FAM76A: variants seen among roughly 807,000 people sequenced by gnomAD.
The protein encoded by FAM76A is protein FAM76A.
A neutral mutation model predicts 46.2 loss-of-function variants in FAM76A; 32 were observed. The ratio of observed to expected loss-of-function variants is 0.69; its 90% CI spans 0.52 to 0.93. The LOEUF is 0.93. FAM76A is among the 40% of genes least tolerant of loss of function. The pLI is 0.00. For missense variants in FAM76A, 274 were observed against 361.5 expected, an observed-to-expected ratio of 0.76 and a Z score of 1.96; for synonymous variants, 137 against 127.0, an observed-to-expected ratio of 1.08 and a Z score of -0.53.
Position 27,744,661 on chromosome 1 carries a change from G to A in FAM76A, c.362G>A (p.Gly121Glu), listed in dbSNP as rs572625727. The change falls in exon 5 of 9, where the codon GGG (glycine) becomes GAG (glutamate). Residue 121 changes from glycine to glutamate, a missense_variant. Transcript: ENST00000373954. ...TGTCTCCTTGTCTTTCAGGTAGATG[G>A]GAAATTGCTGTGCTGGCTGTGCACA... is the stretch of plus-strand genomic sequence containing the variant. Reference protein sequence around the residue: ...DRKDDRKKVDGKLLCWLCTLS... With the variant: ...DRKDDRKKVDEKLLCWLCTLS... 83 of 1,613,870 alleles carry A rather than the reference G, an allele frequency of 5.1e-5. 1 individual carries two copies. In the South Asian group the frequency reaches 8.6e-4, roughly 17 times the overall value.
intron 5 of FAM76A, among the ~76,000 whole-genome samples, chr1:27,746,780 ATGCAGATT>A (rs1187666253): frequency 6.6e-6 from 1 of 152,138 alleles, no homozygotes; most frequent in Non-Finnish European, 1.5e-5. Context: ...TTATTTGAAA[ATGCAGATT>A]CCGGCCAGAT....
rs1409498047 is a variant in FAM76A at position 27,732,634 on chromosome 1, C to T, written c.178C>T (p.Gln60Ter). 2 of 1,609,272 alleles carry T rather than the reference C, an allele frequency of 1.2e-6. No individual in the cohort carries two copies. The highest frequency in any genetic ancestry group is 1.7e-6 in the Non-Finnish European group (2 of 1,176,446). The change falls in exon 3 of 9, where the codon CAG (glutamine) becomes TAG (stop). Residue 60 changes from glutamine (Q) to a stop codon, truncating the protein, a stop_gained. Transcript: ENST00000373954. LOFTEE classifies it high-confidence loss of function. The stretch of plus-strand genomic sequence containing the variant: ...CAATACAATATGCAAGAAATGTGCT[C>T]AGAACGTGCAGTTGTATGGAACGGT... ...KTNTICKKCA[Q>*]NVQLYGTPKP...
At chr1:27,741,697 G>A (rs1021205003) in intron 4 of FAM76A, among the ~76,000 whole-genome samples, 16 of 151,702 alleles carry the variant, frequency 1.1e-4, no homozygotes, top group Non-Finnish European at 1.8e-4. Context: ...CCTGGCCAAC[G>A]TGGTGAAACC....
chr1:27,733,564 A>G (rs1238941190), intron 3 of FAM76A, among the ~76,000 whole-genome samples: 2 of 152,046 alleles, frequency 1.3e-5, no homozygotes, highest in East Asian at 1.9e-4. Context: ...ATTGGGCTTC[A>G]TGGCCGGGCG....
chr1:27,748,964 G>C (rs1465717423), intron 5 of FAM76A, 104 bp from the exon 6 acceptor site: 1 of 665,810 alleles, frequency 1.5e-6, no homozygotes, highest in East Asian at 3.0e-5. Context: ...CTCTTGCATA[G>C]AAGAGCTGCT....
At chr1:27,743,767 G>GAAA (rs76187664) in intron 4 of FAM76A, among the ~76,000 whole-genome samples, 1 of 140,178 alleles carries the variant, frequency 7.1e-6, no homozygotes, top group Non-Finnish European at 1.6e-5. Context: ...CCTGTTTGGG[G>GAAA]AAAAAAAAAA....
In FAM76A at chr1:27,759,779, G is replaced by GTTTTTGTTTGTTT. The variant is rs2088474172; in HGVS notation, c.837+157_837+158insGTTTGTTTTTTTT. On this transcript the variant is annotated intron_variant, in intron 8 of 8. Coordinates refer to ENST00000373954, the MANE Select transcript of FAM76A (RefSeq NM_152660.3). ...TCCCCCTTTTAGGTTTTTTTTTTTT[G>GTTTTTGTTTGTTT]TTTTTTTTTTGAGACAGGTTCTCTG... 195 of 363,562 alleles carry GTTTTTGTTTGTTT rather than the reference G, an allele frequency of 5.4e-4. 1 individual carries two copies. The highest frequency in any genetic ancestry group is 3.0e-3 in the Middle Eastern group (4 of 1,332). The allele number at this position is 363,562 out of a possible 1,614,324, so 22.5% of individuals were successfully genotyped here. A position where few individuals can be genotyped will look rare whatever the true frequency, so the allele number is the denominator to read the frequency against.
At chr1:27,726,977 C>T (rs1274464484) in intron 1 of FAM76A, among the ~76,000 whole-genome samples, 1 of 152,170 alleles carries the variant, frequency 6.6e-6, no homozygotes, top group African/African-American at 2.4e-5. Context: ...TCATAATTGT[C>T]ACTTTTGCCT....
At chr1:27,757,746 G>T (rs1011955913) in intron 7 of FAM76A, among the ~76,000 whole-genome samples, 5 of 152,092 alleles carry the variant, frequency 3.3e-5, no homozygotes, top group African/African-American at 1.2e-4. Context: ...GGAGGCCAAG[G>T]CGGGTGGATC....
At position 27,727,547 on chromosome 1, in the gene FAM76A, GT is replaced by G; in HGVS notation, c.146+13del. On this transcript the variant is annotated intron_variant, in intron 2 of 8. Transcript: ENST00000373954. ...GTACCAGCAGGAGAGGTAGAGTTTT[GT>G]TGACCATGAAAGATATTAATAGGCT... 1.2e-6 allele frequency: 2 copies of G among 1,610,424 alleles called. No individual in the cohort carries two copies.
intron 4 of FAM76A, chr1:27,739,363 A>G: frequency 3.8e-6 from 2 of 525,216 alleles, no homozygotes; most frequent in Admixed American, 2.0e-5. Context: ...CTACTTAAAT[A>G]TGGAACACCT....
At chr1:27,748,568 G>GC (rs11451837) in intron 5 of FAM76A, among the ~76,000 whole-genome samples, 149,664 of 149,710 alleles carry the variant, frequency 1, 74,809 homozygotes, top group Middle Eastern at 1. Flanking sequence ...TGCAGGCTCC[G>GC]CCCCCGGGGT....
At chr1:27,738,128 G>T (rs535238018) in intron 4 of FAM76A, among the ~76,000 whole-genome samples, 1 of 152,038 alleles carries the variant, frequency 6.6e-6, no homozygotes, top group African/African-American at 2.4e-5. Flanking sequence ...TAGAGGCTGA[G>T]GTGGGAGGAT....
intron 5 of FAM76A, among the ~76,000 whole-genome samples, chr1:27,745,452 T>TTTTG (rs1009152499): frequency 6.6e-6 from 1 of 152,204 alleles, no homozygotes; most frequent in Non-Finnish European, 1.5e-5. Context: ...TTTCAGGTTT[T>TTTTG]TTTGTTTGTT....
At chr1:27,736,139 A>G (rs977936545) in intron 4 of FAM76A, among the ~76,000 whole-genome samples, 2 of 151,940 alleles carry the variant, frequency 1.3e-5, no homozygotes, top group African/African-American at 4.8e-5. Context: ...GGCTAACATG[A>G]TGAAACCCCG....
chr1:27,738,771 A>G (rs1203945168), intron 4 of FAM76A, among the ~76,000 whole-genome samples: 1 of 152,210 alleles, frequency 6.6e-6, no homozygotes. Flanking sequence ...CTATAAAGAA[A>G]TAAAGTACAT....
At position 27,744,680 on chromosome 1, in the gene FAM76A, G is replaced by C. The variant is rs184211917; in HGVS notation, c.381G>C (p.Leu127=). 1.1e-4 allele frequency: 172 copies of C among 1,614,128 alleles called. No individual in the cohort carries two copies. The highest frequency in any genetic ancestry group is 1.4e-4 in the Non-Finnish European group (162 of 1,180,004). Residue 127 remains leucine, a synonymous_variant, in exon 5 of 9, where the codon CTG becomes CTC. Coordinates refer to ENST00000373954, the MANE Select transcript of FAM76A (RefSeq NM_152660.3). ...TAGATGGGAAATTGCTGTGCTGGCTGTGCACACTTTCATACAAACGGGTCC... is the reference window on the plus strand; with the variant it reads ...TAGATGGGAAATTGCTGTGCTGGCTCTGCACACTTTCATACAAACGGGTCC... ...KKVDGKLLCW[L]CTLSYKRVLQ... is the part of the protein sequence containing the mutation.
chr1:27,761,819 C>G lies in FAM76A; in HGVS notation c.*1238C>G, dbSNP rs2088513878. 1 of 152,046 alleles carries G rather than the reference C, an allele frequency of 6.6e-6. No homozygotes were observed. The highest frequency in any genetic ancestry group is 1.5e-5 in the Non-Finnish European group (1 of 68,046). The allele number at this position is 152,046 out of a possible 1,614,324, so 9.4% of individuals were successfully genotyped here. On this transcript the variant is annotated 3_prime_UTR_variant, in exon 9 of 9. Transcript: ENST00000373954. ...TGTACTAAAAAAATACAAAAATTAG[C>G]CGGGCCTGGTGGCATGCACCTGTAA...
At chr1:27,732,479 G>T (rs74063884) in intron 2 of FAM76A, 124 bp from the exon 3 acceptor site, 42,140 of 627,008 alleles carry the variant, frequency 0.067, 4,986 homozygotes, top group African/African-American at 0.35. Context: ...TCAAGCTAGT[G>T]TTAACCAAGC....
Sources: gnomAD v4.1 joint callset for allele counts (sites outside exome capture counted in the v4.1 genomes callset) on GRCh38, gnomAD v4.1.1 for gene constraint, MANE v1.5 for transcripts, NCBI Gene and HGNC (gene_info 2026-07-23, HGNC 2026-07-21) for gene names.